SLC6A6: variants seen among roughly 807,000 people sequenced by gnomAD.
The protein encoded by SLC6A6 is sodium- and chloride-dependent taurine transporter.
In SLC6A6, 16 loss-of-function variants were observed where a neutral mutation model predicts 68.8. The observed-to-expected ratio is 0.23, with a 90% CI of 0.16 to 0.35. The LOEUF is 0.35. Among genes scored for constraint, SLC6A6 ranks in the 10% least tolerant of loss-of-function variants. The pLI, the probability that SLC6A6 is intolerant of heterozygous loss-of-function variation, is 1.00. For missense variants in SLC6A6, 474 were observed against 802.8 expected, an observed-to-expected ratio of 0.59 and a Z score of 4.95; for synonymous variants, 312 against 315.4, an observed-to-expected ratio of 0.99 and a Z score of 0.12.
Position 14,468,063 on chromosome 3 carries a change from G to A in SLC6A6, c.972-25G>A, listed in dbSNP as rs1334734406. 2 of 1,613,964 alleles carry A rather than the reference G, an allele frequency of 1.2e-6. No individual in the cohort carries two copies. The highest frequency in any genetic ancestry group is 1.3e-5 in the African/African-American group (1 of 74,932). ...GCTTCCTTGTGTTGTGAATTAACTT[G>A]CTCCCTGACATATGTGTAACTTAGG... On this transcript the variant is annotated intron_variant, in intron 8 of 14. Coordinates refer to ENST00000622186, the MANE Select transcript of SLC6A6 (RefSeq NM_003043.6). The surrounding 1 kb of genome is among the most constrained non-coding windows in gnomAD (Gnocchi z 4.5).
intron 1 of SLC6A6, among the ~76,000 whole-genome samples, chr3:14,405,520 G>A (rs534627601): frequency 1.6e-4 from 24 of 152,366 alleles, no homozygotes; most frequent in African/African-American, 5.5e-4. Flanking sequence ...GCAGCCAGAG[G>A]GGGTCTGCCT....
At chr3:14,407,391 C>T (rs1323718067) in intron 1 of SLC6A6, among the ~76,000 whole-genome samples, 1 of 152,114 alleles carries the variant, frequency 6.6e-6, no homozygotes, top group Non-Finnish European at 1.5e-5. Flanking sequence ...TGAGTTTTGA[C>T]AAATGTATAC....
chr3:14,433,078 TCGTTAGTGCTGTGAAGGTGGGA>T (rs6147716), intron 2 of SLC6A6, among the ~76,000 whole-genome samples: 81,922 of 127,606 alleles, frequency 0.64, 22,227 homozygotes, highest in African/African-American at 0.68. Flanking sequence ...CCTTCTCTAG[TCGTTAGTGCTGTGAAGGTGGGA>T]CGTTAGTGCT....
rs1022260800 is a variant in SLC6A6, at chr3:14,485,415, A to T, written c.*408A>T. ...TGCCAGCAATAGATCTCATTTTCAAAAGCAATTCTTCGGTGCTGTGTAGCT... is the reference window on the plus strand; with the variant it reads ...TGCCAGCAATAGATCTCATTTTCAATAGCAATTCTTCGGTGCTGTGTAGCT... On this transcript the variant is annotated 3_prime_UTR_variant, in exon 15 of 15. Transcript: ENST00000622186. The T allele has an allele frequency of 6.4e-6, 1 of 156,328 alleles. No individual in the cohort carries two copies. The highest frequency in any genetic ancestry group is 2.4e-5 in the African/African-American group (1 of 41,466). The allele number at this position is 156,328 out of a possible 1,614,324, so 9.7% of individuals were successfully genotyped here. A position where few individuals can be genotyped will look rare whatever the true frequency, so the allele number is the denominator to read the frequency against.
At chr3:14,427,237 T>A (rs75924201) in intron 2 of SLC6A6, among the ~76,000 whole-genome samples, 3,075 of 149,624 alleles carry the variant, frequency 0.021, 119 homozygotes, top group African/African-American at 0.075. Flanking sequence ...AGCCCCAGCA[T>A]GAGTAGATGT....
chr3:14,419,612 C>G (rs1461273889), intron 2 of SLC6A6, among the ~76,000 whole-genome samples: 2 of 152,112 alleles, frequency 1.3e-5, no homozygotes, highest in Non-Finnish European at 1.5e-5. Context: ...CTCAGGTAAC[C>G]CACCCCTGAA....
At chr3:14,469,976 G>T (rs1700714828) in intron 9 of SLC6A6, among the ~76,000 whole-genome samples, 1 of 152,176 alleles carries the variant, frequency 6.6e-6, no homozygotes, top group South Asian at 2.1e-4. Flanking sequence ...AACTCCAGAA[G>T]TCCCCACGCC....
chr3:14,410,274 C>A (rs1699219906), intron 1 of SLC6A6, among the ~76,000 whole-genome samples: 1 of 152,118 alleles, frequency 6.6e-6, no homozygotes, highest in South Asian at 2.1e-4. Context: ...TGTGAACCCC[C>A]CCTTGACAGG....
intron 2 of SLC6A6, among the ~76,000 whole-genome samples, chr3:14,428,375 C>T (rs1699649333): frequency 6.6e-6 from 1 of 152,234 alleles, no homozygotes; most frequent in Non-Finnish European, 1.5e-5. Flanking sequence ...GCTCAGAGCC[C>T]AGGCTGCCCA....
Position 14,472,270 on chromosome 3 carries a change from T to C in SLC6A6, c.1162T>C (p.Ser388Pro), listed in dbSNP as rs1700769177. ...VTMMPLPTFWSILFFIMLLLL... is the reference protein window; with the variant it reads ...VTMMPLPTFWPILFFIMLLLL... ...AATGATGCCGCTGCCCACATTTTGG[T>C]CCATTCTTTTTTTTATTATGCTTCT... The change falls in exon 10 of 15, where the codon TCC becomes CCC. Residue 388 changes from serine (S) to proline (P), a missense_variant. Transcript: ENST00000622186. This position sits in a 1 kb window ranked among gnomAD's most constrained non-coding sequence, Gnocchi z 4.5. 6.2e-7 allele frequency: 1 copy of C among 1,613,672 alleles called. No individual in the cohort carries two copies. Among genetic ancestry groups the C allele is most frequent in the Non-Finnish European group, 8.5e-7 (1 of 1,179,720 alleles).
rs940983383 is a variant in SLC6A6 at position 14,472,033 on chromosome 3, C to T, written c.1097-172C>T. The stretch of plus-strand genomic sequence containing the variant: ...AAACCGGGCCCCTCCTGAGCCCCAG[C>T]GTGTCCCACCCAAAGGCGAGACAGG... On this transcript the variant is annotated intron_variant, in intron 9 of 14. Transcript: ENST00000622186. The surrounding 1 kb of genome is among the most constrained non-coding windows in gnomAD (Gnocchi z 4.5). 2.0e-5 allele frequency among the ~76,000 whole-genome samples: 3 copies of T among 152,130 alleles called. No individual in the cohort carries two copies. Among genetic ancestry groups the T allele is most frequent in the African/African-American group, 4.8e-5 (2 of 41,420 alleles).
At chr3:14,418,868 G>A (rs542430822) in intron 2 of SLC6A6, among the ~76,000 whole-genome samples, 5 of 152,322 alleles carry the variant, frequency 3.3e-5, no homozygotes, top group African/African-American at 1.2e-4. Flanking sequence ...CAGCTGGGAA[G>A]GATTTGAACC....
At position 14,443,744 on chromosome 3, in the gene SLC6A6, A is replaced by T; in HGVS notation, c.110A>T (p.Lys37Ile). The T allele has an allele frequency of 6.2e-7, 1 of 1,614,082 alleles. No homozygotes were observed. The highest frequency in any genetic ancestry group is 2.2e-5 in the East Asian group (1 of 44,884). Reference protein sequence around the residue: ...GTRPEDEAEGKPPQREKWSSK... With the variant: ...GTRPEDEAEGIPPQREKWSSK... ...CGGCCTGAGGACGAGGCTGAGGGAA[A>T]ACCTCCGCAGAGGGAGAAGTGGTCT... Residue 37 changes from lysine to isoleucine, a missense_variant, in exon 3 of 15, where the codon AAA (lysine) becomes ATA (isoleucine). Physicochemically the swap from Lys to Ile is moderately radical, Grantham distance 102. Transcript: ENST00000622186.
At chr3:14,413,376 G>A (rs929252655) in intron 1 of SLC6A6, among the ~76,000 whole-genome samples, 10 of 152,256 alleles carry the variant, frequency 6.6e-5, no homozygotes, top group African/African-American at 2.2e-4. Flanking sequence ...GGCATTCTCC[G>A]TAATCGCCGT....
rs1414958130 is a variant in SLC6A6 at position 14,402,699 on chromosome 3, C to CGAGGACCGCAAGCCCA, written c.-195_-180dup. The CGAGGACCGCAAGCCCA allele has an allele frequency of 2.5e-6, 1 of 398,164 alleles. No individual in the cohort carries two copies. Among genetic ancestry groups the CGAGGACCGCAAGCCCA allele is most frequent in the African/African-American group, 2.1e-5 (1 of 48,612 alleles). 24.7% of individuals were successfully genotyped at this position (398,164 alleles called of 1,614,324 possible). On this transcript the variant is annotated 5_prime_UTR_variant, in exon 1 of 15. Coordinates refer to ENST00000622186, the MANE Select transcript of SLC6A6 (RefSeq NM_003043.6). The surrounding 1 kb of genome is among the most constrained non-coding windows in gnomAD (Gnocchi z 4.8). ...TCGCGCCGCCGCCAACGCCGAGCCC[C>CGAGGACCGCAAGCCCA]GAGGACCGCAAGCCCAGAGGACAAG...
chr3:14,402,586 C>G (rs1699007057), upstream of SLC6A6: 1 of 397,764 alleles, frequency 2.5e-6, no homozygotes, highest in East Asian at 3.6e-5. The surrounding 1 kb of genome is among the most constrained non-coding windows in gnomAD (Gnocchi z 4.8). Flanking sequence ...ATTTTTCCAC[C>G]CAGCAGGATG....
In SLC6A6 at chr3:14,423,168, T is replaced by C. The variant is rs530534365; in HGVS notation, c.-12+6715T>C. 1.0e-3 allele frequency among the ~76,000 whole-genome samples: 156 copies of C among 152,302 alleles called. 4 individuals are homozygous for C. In the South Asian group the frequency reaches 0.031, roughly 30 times the overall value. Reference sequence around the variant, plus strand: ...AAAACTGTAGAGGAACCCAGAGGACTTCAAAAGGACTCTACAGCCAGCAGG... The same window carrying C: ...AAAACTGTAGAGGAACCCAGAGGACCTCAAAAGGACTCTACAGCCAGCAGG... On this transcript the variant is annotated intron_variant, in intron 2 of 14. Transcript: ENST00000622186.
At chr3:14,449,216 G>A (rs764846819) in intron 5 of SLC6A6, among the ~76,000 whole-genome samples, 3 of 152,226 alleles carry the variant, frequency 2.0e-5, no homozygotes, top group African/African-American at 4.8e-5. Context: ...TGGTCGGTCC[G>A]TGTCACTGTC....
At chr3:14,411,636 G>A (rs1224432293) in intron 1 of SLC6A6, among the ~76,000 whole-genome samples, 3 of 152,174 alleles carry the variant, frequency 2.0e-5, no homozygotes, top group Non-Finnish European at 4.4e-5. Context: ...CCAGCCTAGG[G>A]GTGTGGCACA....
Sources: gnomAD v4.1 joint callset for allele counts (sites outside exome capture counted in the v4.1 genomes callset) on GRCh38, gnomAD v4.1.1 for gene constraint, Gnocchi (gnomAD v3.1) non-coding constraint, MANE v1.5 for transcripts, NCBI Gene and HGNC (gene_info 2026-07-23, HGNC 2026-07-21) for gene names.